Variants in ZCCHC14 observed in about 807,000 individuals in gnomAD.
The protein encoded by ZCCHC14 is zinc finger CCHC-type containing 14, also known as zinc finger CCHC domain-containing protein 14.
ZCCHC14 carries 16 observed loss-of-function variants against 85.0 expected under a neutral mutation model. The observed-to-expected ratio is 0.19, with a 90% CI of 0.13 to 0.29. The LOEUF is 0.29. Among genes scored for constraint, ZCCHC14 ranks in the 10% least tolerant of loss-of-function variants. The pLI, the probability that ZCCHC14 is intolerant of heterozygous loss-of-function variation, is 1.00. For synonymous variants in ZCCHC14, 775 were observed against 630.7 expected, an observed-to-expected ratio of 1.23 and a Z score of -3.43; for missense variants, 1,303 against 1,443.5, an observed-to-expected ratio of 0.90 and a Z score of 1.58.
chr16:87,471,498 G>C (rs553505898), intron 1 of ZCCHC14: 1 of 152,362 alleles, frequency 6.6e-6, no homozygotes, highest in South Asian at 2.1e-4. Context: ...TACTTAACTA[G>C]ACCAGCTCCC....
chr16:87,430,419 G>A (rs2150736058), intron 3 of ZCCHC14, among the ~76,000 whole-genome samples: 1 of 152,172 alleles, frequency 6.6e-6, no homozygotes, highest in East Asian at 1.9e-4. Context: ...TGATCCTGCT[G>A]TTCGAGAAGG....
At chr16:87,445,134 T>C (rs1488573833) in intron 2 of ZCCHC14, among the ~76,000 whole-genome samples, 1 of 151,854 alleles carries the variant, frequency 6.6e-6, no homozygotes, top group East Asian at 1.9e-4. Context: ...CGGTGTGATA[T>C]CAGCTCACTG....
rs1486270026 is a variant in ZCCHC14, at chr16:87,491,954, G to A, written c.285C>T (p.Gly95=). Residue 95 remains glycine, a synonymous_variant, in exon 1 of 13, where the codon GGC becomes GGT. Coordinates refer to ENST00000671377, the MANE Select transcript of ZCCHC14 (RefSeq NM_015144.3). The surrounding 1 kb of genome is among the most constrained non-coding windows in gnomAD (Gnocchi z 5.9). ...SKLLVSLALL[G]SEQREAAGVL... ...CGCCCGCCGCCTCGCGCTGCTCCGA[G>A]CCCAGCAGCGCCAGCGACACCAGCA... The A allele has an allele frequency of 7.0e-7, 1 of 1,432,868 alleles. No individual in the cohort carries two copies. Among genetic ancestry groups the A allele is most frequent in the Non-Finnish European group, 9.1e-7 (1 of 1,096,238 alleles). 88.8% of individuals were successfully genotyped at this position (1,432,868 alleles called of 1,614,324 possible). A position where few individuals can be genotyped will look rare whatever the true frequency, so the allele number is the denominator to read the frequency against.
At chr16:87,470,581 A>C (rs1454058784) in intron 1 of ZCCHC14, 1 of 152,154 alleles carries the variant, frequency 6.6e-6, no homozygotes, top group Non-Finnish European at 1.5e-5. Context: ...TGCTGTTAGG[A>C]TACAGTCAAT....
In ZCCHC14 at chr16:87,411,522, G is replaced by C. The variant is rs771277132; in HGVS notation, c.3199C>G (p.Arg1067Gly). The C allele has an allele frequency of 5.0e-6, 8 of 1,613,442 alleles. No homozygotes were observed. Among genetic ancestry groups the C allele is most frequent in the Non-Finnish European group, 5.9e-6 (7 of 1,180,000 alleles). ...DCKQPSMDFN[R>G]PGTFRLKYAP... ...GGCCATGGCGCGCGCTTACCTGGCCGGTTGAAGTCCATGGACGGCTGTTTG... is the reference window on the plus strand; with the variant it reads ...GGCCATGGCGCGCGCTTACCTGGCCCGTTGAAGTCCATGGACGGCTGTTTG... The change falls in exon 12 of 13, where the codon CGG becomes GGG. Residue 1067 changes from arginine (R) to glycine (G), a missense_variant. This residue lies in a region of ZCCHC14 where 797 missense variants were observed against 730.8 expected (regional missense o/e 1.09). Transcript: ENST00000671377.
chr16:87,434,482 TGGCCGCG>T (rs1467538205), intron 2 of ZCCHC14, among the ~76,000 whole-genome samples: 2 of 152,236 alleles, frequency 1.3e-5, no homozygotes, highest in Admixed American at 1.3e-4. Flanking sequence ...GGAGGCCACC[TGGCCGCG>T]TGCGACGGGG....
rs1166447070 is a variant in ZCCHC14 at position 87,460,019 on chromosome 16, T to C, written c.683A>G (p.Lys228Arg). 5.0e-6 allele frequency: 8 copies of C among 1,614,040 alleles called. No individual in the cohort carries two copies. The African/African-American group carries it at 5.3e-5, about 11-fold the overall frequency. The change falls in exon 2 of 13, where the codon AAA (lysine) becomes AGA (arginine). Residue 228 changes from lysine (K) to arginine (R), a missense_variant. Lys to Arg is a conservative substitution (Grantham distance 26). Transcript: ENST00000671377. Reference sequence around the variant, plus strand: ...GTGCGTGCACTCACCTTTGCTGTGTTTTCCTAAGGGCCTCTTGGGCAGCGA... The same window carrying C: ...GTGCGTGCACTCACCTTTGCTGTGTCTTCCTAAGGGCCTCTTGGGCAGCGA... The part of the protein sequence containing the change: ...EESLPKRPLG[K>R]HSKVSVEKID...
At chr16:87,477,146 AC>A (rs1567542365) in intron 1 of ZCCHC14, among the ~76,000 whole-genome samples, 1,224 of 99,690 alleles carry the variant, frequency 0.012, 220 homozygotes, top group African/African-American at 0.052. Flanking sequence ...AAAAAACAAA[AC>A]AAAACCAAAA....
At chr16:87,425,489 C>T (rs1909321890) in intron 3 of ZCCHC14, among the ~76,000 whole-genome samples, 1 of 151,740 alleles carries the variant, frequency 6.6e-6, no homozygotes, top group Non-Finnish European at 1.5e-5. Context: ...GGTGGGAGAA[C>T]TGCTTGAACC....
At chr16:87,458,822 C>G (rs1317814416) in intron 2 of ZCCHC14, among the ~76,000 whole-genome samples, 1 of 152,190 alleles carries the variant, frequency 6.6e-6, no homozygotes, top group Non-Finnish European at 1.5e-5. Context: ...TAGAGGCCAG[C>G]AGATGCGGAC....
At chr16:87,431,005 T>C (rs925584668) in intron 3 of ZCCHC14, among the ~76,000 whole-genome samples, 2 of 151,918 alleles carry the variant, frequency 1.3e-5, no homozygotes, top group Non-Finnish European at 2.9e-5. Flanking sequence ...CTGGGTATGG[T>C]GGCATGTGCC....
intron 1 of ZCCHC14, among the ~76,000 whole-genome samples, chr16:87,479,398 C>A: frequency 2.2e-5 from 3 of 137,376 alleles, no homozygotes; most frequent in African/African-American, 2.9e-5. Context: ...GCCTGGGTGA[C>A]AACGCAAGAC....
At chr16:87,479,497 A>G (rs1567543488) in intron 1 of ZCCHC14, among the ~76,000 whole-genome samples, 1 of 152,156 alleles carries the variant, frequency 6.6e-6, no homozygotes, top group Non-Finnish European at 1.5e-5. Flanking sequence ...GTCCCAAATA[A>G]TTAGACAAAT....
At chr16:87,480,987 C>T (rs1420730872) in intron 1 of ZCCHC14, among the ~76,000 whole-genome samples, 1 of 152,170 alleles carries the variant, frequency 6.6e-6, no homozygotes, top group African/African-American at 2.4e-5. Flanking sequence ...GCACATCATG[C>T]CAAGACCCGT....
At chr16:87,432,156 G>A (rs547442053) in intron 3 of ZCCHC14, among the ~76,000 whole-genome samples, 2 of 152,282 alleles carry the variant, frequency 1.3e-5, no homozygotes, top group Non-Finnish European at 2.9e-5. Flanking sequence ...TGTCTGGAGA[G>A]CACTCTCCAA....
intron 1 of ZCCHC14, among the ~76,000 whole-genome samples, chr16:87,463,484 T>C (rs1028384724): frequency 2.0e-5 from 3 of 152,224 alleles, no homozygotes; most frequent in African/African-American, 7.2e-5. Context: ...TAAGTCCTGG[T>C]TCTAAGAAGA....
At chr16:87,419,748 T>C in intron 6 of ZCCHC14, 35 bp downstream of exon 6, 5 of 1,532,232 alleles carry the variant, frequency 3.3e-6, no homozygotes, top group Non-Finnish European at 4.4e-6. Flanking sequence ...TTTTTTTTTT[T>C]TTAATTTATA....
intron 3 of ZCCHC14, among the ~76,000 whole-genome samples, chr16:87,429,229 A>G (rs1909526515): frequency 6.6e-6 from 1 of 152,344 alleles, no homozygotes; most frequent in East Asian, 1.9e-4. Flanking sequence ...CAGTATTTCA[A>G]GAGGTGTGCA....
chr16:87,437,071 T>C (rs1018474280), intron 2 of ZCCHC14, among the ~76,000 whole-genome samples: 4 of 151,944 alleles, frequency 2.6e-5, no homozygotes, highest in African/African-American at 9.7e-5. Context: ...GGCCGGGAGC[T>C]CACACCTGTA....
Sources: allele counts gnomAD v4.1 joint callset (sites outside exome capture counted in the v4.1 genomes callset), GRCh38; gene constraint gnomAD v4.1.1; regional missense constraint gnomAD v4.1.1; non-coding constraint Gnocchi (gnomAD v3.1); transcripts MANE v1.5; gene names NCBI Gene and HGNC (gene_info 2026-07-23, HGNC 2026-07-21).